RTKN2: variants seen among roughly 807,000 people sequenced by gnomAD.
RTKN2 encodes the protein rhotekin 2.
RTKN2 carries 69 observed loss-of-function variants against 71.5 expected under a neutral mutation model. That is an observed-to-expected ratio of 0.96 (90% CI 0.79 to 1.18). The LOEUF (loss-of-function observed/expected upper bound fraction) is 1.18. Ranked by LOEUF, RTKN2 falls within the 50% of genes most tolerant of loss-of-function variation. RTKN2 has a pLI of 0.00. For missense variants in RTKN2, 724 were observed against 719.7 expected, an observed-to-expected ratio of 1.01 and a Z score of -0.07; for synonymous variants, 236 against 236.5, an observed-to-expected ratio of 1.00 and a Z score of 0.02.
At chr10:62,212,111 A>ATAT (rs142344986) in intron 9 of RTKN2, among the ~76,000 whole-genome samples, 2,738 of 127,668 alleles carry the variant, frequency 0.021, 41 homozygotes, top group South Asian at 0.073. Context: ...ACTTAAAAAA[A>ATAT]AAATATATAT....
chr10:62,242,396 T>A (rs1224567345), intron 3 of RTKN2, among the ~76,000 whole-genome samples: 1 of 152,216 alleles, frequency 6.6e-6, no homozygotes, highest in Non-Finnish European at 1.5e-5. Context: ...CTTTACATTT[T>A]TATTAAGGTT....
chr10:62,248,998 T>C (rs1369089283), intron 2 of RTKN2, among the ~76,000 whole-genome samples: 2 of 152,218 alleles, frequency 1.3e-5, no homozygotes, highest in African/African-American at 2.4e-5. Context: ...ACGTTTAGCA[T>C]GAAATTTTAA....
At position 62,256,825 on chromosome 10, in the gene RTKN2, G is replaced by A. The variant is rs557477991; in HGVS notation, c.257+5800C>T. On this transcript the variant is annotated intron_variant, in intron 2 of 11. Transcript: ENST00000373789. ...ATTGTACTATTCTTGTAATTTTTAC[G>A]TATGTAAATTTCATAATAAAAAGTT... 5.3e-5 allele frequency among the ~76,000 whole-genome samples: 8 copies of A among 152,046 alleles called. No homozygotes were observed. In the South Asian group the frequency reaches 6.2e-4, roughly 12 times the overall value.
Position 62,204,668 on chromosome 10 carries a change from T to C in RTKN2, c.1186+189A>G, listed in dbSNP as rs1589336915. Among the ~76,000 whole-genome samples the C allele has an allele frequency of 5.3e-5, 8 of 152,246 alleles. No individual in the cohort carries two copies. The South Asian group carries it at 1.7e-3, about 32-fold the overall frequency. The stretch of plus-strand genomic sequence containing the variant: ...GAGATGCTAGAATCCAAACGTATAC[T>C]ATACAATAGTCAGGCACTGGAAAGA... On this transcript the variant is annotated intron_variant, in intron 10 of 11. Coordinates refer to ENST00000373789, the MANE Select transcript of RTKN2 (RefSeq NM_145307.4).
intron 8 of RTKN2, among the ~76,000 whole-genome samples, chr10:62,184,555 C>T (rs1405514048): frequency 1.3e-5 from 2 of 152,122 alleles, no homozygotes; most frequent in African/African-American, 4.8e-5. Flanking sequence ...CTGGAACTTA[C>T]AAGAAATGGG....
intron 9 of RTKN2, among the ~76,000 whole-genome samples, chr10:62,207,680 TC>T (rs1046987904): frequency 6.6e-6 from 1 of 151,748 alleles, no homozygotes; most frequent in East Asian, 1.9e-4. Context: ...ATTCCCTGCC[TC>T]CCCCCCATAT....
downstream of RTKN2, among the ~76,000 whole-genome samples, chr10:62,189,161 A>G (rs7911249): frequency 0.33 from 50,096 of 150,446 alleles, 9,435 homozygotes; most frequent in African/African-American, 0.52. Flanking sequence ...GCTTTGGGCT[A>G]GATAATTATT....
At chr10:62,235,578 T>C (rs184936883) in intron 6 of RTKN2, among the ~76,000 whole-genome samples, 3 of 152,172 alleles carry the variant, frequency 2.0e-5, no homozygotes, top group African/African-American at 7.2e-5. Flanking sequence ...CATGTGATGT[T>C]TGAAGTCAAA....
At chr10:62,201,815 G>A (rs1434729216) in intron 10 of RTKN2, among the ~76,000 whole-genome samples, 3 of 152,000 alleles carry the variant, frequency 2.0e-5, no homozygotes, top group African/African-American at 4.8e-5. Flanking sequence ...AAGACTTTAC[G>A]ACTGAAACAT....
Position 62,194,924 on chromosome 10 carries a change from C to G in RTKN2, c.*2984G>C. ...CATCCATTTAAAAGAAGTCAGGGGG[C>G]ACTGCAGACAGTTAAGGAGGATTTA... On this transcript the variant is annotated 3_prime_UTR_variant, in exon 12 of 12. Coordinates refer to ENST00000373789, the MANE Select transcript of RTKN2 (RefSeq NM_145307.4). The G allele has an allele frequency of 1.0e-6, 1 of 985,300 alleles. No individual in the cohort carries two copies. The highest frequency in any genetic ancestry group is 1.2e-6 in the Non-Finnish European group (1 of 829,864). 61.0% of individuals were successfully genotyped at this position (985,300 alleles called of 1,614,324 possible).
In RTKN2 at chr10:62,195,601, G is replaced by GGGAAGGAAGGAAGGAAGGAAGGAA. The variant is rs1354066328; in HGVS notation, c.*2306_*2307insTTCCTTCCTTCCTTCCTTCCTTCC. The GGGAAGGAAGGAAGGAAGGAAGGAA allele has an allele frequency of 5.2e-5, 27 of 522,768 alleles. No individual in the cohort carries two copies. The highest frequency in any genetic ancestry group is 1.9e-4 in the Admixed American group (2 of 10,780). 32.4% of individuals were successfully genotyped at this position (522,768 alleles called of 1,614,324 possible). On this transcript the variant is annotated 3_prime_UTR_variant, in exon 12 of 12. Coordinates refer to ENST00000373789, the MANE Select transcript of RTKN2 (RefSeq NM_145307.4). Reference sequence around the variant, plus strand: ...AAGGAGGGAAGGAGAGACGGACAGAGGGAATGAAGGAAGGAAGGAAGGAAG... The same window carrying GGGAAGGAAGGAAGGAAGGAAGGAA: ...AAGGAGGGAAGGAGAGACGGACAGAGGGAAGGAAGGAAGGAAGGAAGGAAGGAATGAAGGAAGGAAGGAAGGAAG...
intron 4 of RTKN2, among the ~76,000 whole-genome samples, chr10:62,240,855 C>G (rs1262186551): frequency 2.0e-5 from 3 of 152,240 alleles, no homozygotes; most frequent in Non-Finnish European, 2.9e-5. Flanking sequence ...TAAACATTTT[C>G]TTTTGTTCCA....
intron 2 of RTKN2, among the ~76,000 whole-genome samples, chr10:62,250,613 A>G: frequency 6.6e-6 from 1 of 152,178 alleles, no homozygotes; most frequent in East Asian, 1.9e-4. Flanking sequence ...CCAGAAATAA[A>G]TAATTCATAA....
intron 1 of RTKN2, among the ~76,000 whole-genome samples, chr10:62,264,186 A>C (rs1362604644): frequency 6.6e-6 from 1 of 152,222 alleles, no homozygotes; most frequent in African/African-American, 2.4e-5. Context: ...AAAAGATGAA[A>C]GTTAGGAGAG....
chr10:62,202,790 T>G (rs1333922997), intron 10 of RTKN2, among the ~76,000 whole-genome samples: 1 of 152,224 alleles, frequency 6.6e-6, no homozygotes, highest in African/African-American at 2.4e-5. Context: ...GATCATCTAA[T>G]AGTAGTTGAT....
intron 2 of RTKN2, among the ~76,000 whole-genome samples, chr10:62,255,609 T>C (rs1278672795): frequency 1.3e-5 from 2 of 151,712 alleles, no homozygotes; most frequent in East Asian, 3.9e-4. Context: ...ATAAATGTAA[T>C]TGATTTAGGG....
At chr10:62,202,023 T>C (rs1220267116) in intron 10 of RTKN2, among the ~76,000 whole-genome samples, 1 of 152,208 alleles carries the variant, frequency 6.6e-6, no homozygotes, top group Non-Finnish European at 1.5e-5. Context: ...GCTAAGCTCC[T>C]AATGTAACTC....
At chr10:62,254,326 C>G (rs1842635412) in intron 2 of RTKN2, among the ~76,000 whole-genome samples, 1 of 152,102 alleles carries the variant, frequency 6.6e-6, no homozygotes, top group South Asian at 2.1e-4. Flanking sequence ...CATTAGTTCG[C>G]TCGCTCTTCC....
At chr10:62,231,583 T>C (rs1157579651) in intron 6 of RTKN2, among the ~76,000 whole-genome samples, 1 of 152,220 alleles carries the variant, frequency 6.6e-6, no homozygotes, top group Admixed American at 6.5e-5. Flanking sequence ...CTCATTCCTT[T>C]TAGCCAACCC....
Sources: allele counts gnomAD v4.1 joint callset (sites outside exome capture counted in the v4.1 genomes callset), GRCh38; gene constraint gnomAD v4.1.1; transcripts MANE v1.5; gene names NCBI Gene and HGNC (gene_info 2026-07-23, HGNC 2026-07-21).